Variants in OR6B3 observed in about 807,000 individuals in gnomAD.
OR6B3 encodes the protein olfactory receptor 6B3.
For missense variants in OR6B3, 315 were observed against 427.4 expected (o/e 0.74, Z 2.32); for synonymous variants, 148 against 187.8 (o/e 0.79, Z 1.73).
chr2:240,047,816 G>A (rs536921228), upstream of OR6B3, among the ~76,000 whole-genome samples: 10 of 152,254 alleles, frequency 6.6e-5, no homozygotes, highest in South Asian at 2.1e-4. Flanking sequence ...GCAGTGTATC[G>A]TGTGCCTTTA....
At chr2:240,053,343 G>A in the OR6B3 span, among the ~76,000 whole-genome samples, 2 of 152,160 alleles carry the variant, frequency 1.3e-5, no homozygotes, top group African/African-American at 4.8e-5. The surrounding 1 kb of genome is among the most constrained non-coding windows in gnomAD (Gnocchi z 4.1). Flanking sequence ...AAGATCTGAG[G>A]CAACACCGTT....
At chr2:240,045,499 A>G (rs754878073) in exon 2 of OR6B3, 2 of 1,613,724 alleles carry the variant, frequency 1.2e-6, no homozygotes, top group South Asian at 1.1e-5. Flanking sequence ...GCAGTGGAGA[A>G]GTCCGTGCAG....
At chr2:240,051,610 A>G (rs555892927), upstream of OR6B3, among the ~76,000 whole-genome samples, 96 of 152,352 alleles carry the variant, frequency 6.3e-4, no homozygotes, top group African/African-American at 2.1e-3. Flanking sequence ...CTATGTATCG[A>G]TTATTTTTTT....
upstream of OR6B3, among the ~76,000 whole-genome samples, chr2:240,047,635 A>C (rs79166293): frequency 0.042 from 6,471 of 152,302 alleles, 241 homozygotes; most frequent in South Asian, 0.12. Context: ...TTATTTATTC[A>C]AAATAGTGAT....
chr2:240,049,639 C>T (rs184476180), upstream of OR6B3, among the ~76,000 whole-genome samples: 456 of 152,154 alleles, frequency 3.0e-3, no homozygotes, highest in Middle Eastern at 6.8e-3. Context: ...AAATGTTGTC[C>T]GGATAGCTAC....
At chr2:240,053,017 G>A in the OR6B3 span, among the ~76,000 whole-genome samples, 1 of 152,076 alleles carries the variant, frequency 6.6e-6, no homozygotes, top group Non-Finnish European at 1.5e-5. The surrounding 1 kb of genome is among the most constrained non-coding windows in gnomAD (Gnocchi z 4.1). Context: ...TGGCCAGGCT[G>A]GTCTCGAACT....
exon 2 of OR6B3, chr2:240,045,478 C>T (rs750736897): frequency 1.2e-6 from 2 of 1,614,190 alleles, no homozygotes; most frequent in Admixed American, 1.7e-5. Context: ...AGAATGAAAT[C>T]CACCAGCTCT....
chr2:240,052,852 C>T, the OR6B3 span, among the ~76,000 whole-genome samples: 3 of 152,124 alleles, frequency 2.0e-5, no homozygotes, highest in Non-Finnish European at 1.5e-5. The surrounding 1 kb of genome is among the most constrained non-coding windows in gnomAD (Gnocchi z 4.5). Context: ...CACTCTGTTG[C>T]CCAGGCTGGA....
chr2:240,046,383 C>G (rs1267398372), intron 1 of OR6B3, among the ~76,000 whole-genome samples: 2 of 152,186 alleles, frequency 1.3e-5, no homozygotes, highest in African/African-American at 2.4e-5. Context: ...TTTTTCACCA[C>G]CTGGACTTCT....
At chr2:240,051,361 G>C (rs1000757271), upstream of OR6B3, among the ~76,000 whole-genome samples, 1 of 152,184 alleles carries the variant, frequency 6.6e-6, no homozygotes, top group African/African-American at 2.4e-5. Context: ...CAAGAAAAAG[G>C]TCTATTTTTG....
chr2:240,050,242 G>T (rs552358465), upstream of OR6B3, among the ~76,000 whole-genome samples: 1 of 152,286 alleles, frequency 6.6e-6, no homozygotes, highest in East Asian at 1.9e-4. Context: ...TTCAACTCAG[G>T]TTGAAATGAC....
chr2:240,044,591 T>A (rs1215471239), downstream of OR6B3, among the ~76,000 whole-genome samples: 1 of 152,240 alleles, frequency 6.6e-6, no homozygotes, highest in East Asian at 1.9e-4. Context: ...AAACAATTTT[T>A]ATTTTCTCAG....
At chr2:240,049,666 G>A (rs1698231773), upstream of OR6B3, among the ~76,000 whole-genome samples, 2 of 152,236 alleles carry the variant, frequency 1.3e-5, no homozygotes, top group Admixed American at 6.5e-5. Flanking sequence ...AAATGCAAAC[G>A]TCTCTCCTTG....
At chr2:240,045,353 G>C in exon 2 of OR6B3, 1 of 1,614,236 alleles carries the variant, frequency 6.2e-7, no homozygotes, top group Non-Finnish European at 8.5e-7. Context: ...GAGAGGCGCA[G>C]GTGAAGAAGG....
At chr2:240,044,929 C>A (rs1159423033), downstream of OR6B3, 2 of 680,544 alleles carry the variant, frequency 2.9e-6, no homozygotes, top group East Asian at 5.5e-5. Context: ...TCTACAAAAA[C>A]AAGAAAGTAC....
chr2:240,047,566 G>A (rs1377445880), upstream of OR6B3, among the ~76,000 whole-genome samples: 1 of 152,156 alleles, frequency 6.6e-6, no homozygotes, highest in East Asian at 1.9e-4. Context: ...CAGATGGCAG[G>A]GAAATGTTTT....
chr2:240,047,199 G>A (rs1410005754), upstream of OR6B3, among the ~76,000 whole-genome samples: 1 of 152,142 alleles, frequency 6.6e-6, no homozygotes, highest in Admixed American at 6.5e-5. Context: ...CCCTTCAGAA[G>A]GAAATACAGG....
upstream of OR6B3, among the ~76,000 whole-genome samples, chr2:240,047,805 T>C (rs112943008): frequency 0.01 from 1,584 of 152,318 alleles, 23 homozygotes; most frequent in African/African-American, 0.036. Context: ...AAGTGTATTG[T>C]GCAGTGTATC....
At chr2:240,044,957 C>A, downstream of OR6B3, 1 of 866,166 alleles carries the variant, frequency 1.2e-6, no homozygotes, top group Non-Finnish European at 1.8e-6. Context: ...ACAACACCAA[C>A]AACAATACCT....
Sources: allele counts gnomAD v4.1 joint callset (sites outside exome capture counted in the v4.1 genomes callset), GRCh38; gene constraint gnomAD v4.1.1; non-coding constraint Gnocchi (gnomAD v3.1); transcripts MANE v1.5; gene names NCBI Gene and HGNC (gene_info 2026-07-23, HGNC 2026-07-21).